Variants in KCNH7 observed in about 807,000 individuals in gnomAD.
KCNH7 encodes potassium voltage-gated channel subfamily H member 7.
Under a neutral mutation model 120.8 loss-of-function variants are expected in KCNH7, and 49 were observed. The observed-to-expected ratio is 0.41, with a 90% CI of 0.32 to 0.51. KCNH7 has a LOEUF of 0.51. Ranked by LOEUF, KCNH7 falls within the 20% of genes least tolerant of loss-of-function variation. The pLI is 0.38. For missense variants in KCNH7, 1,097 were observed against 1,446.6 expected, an observed-to-expected ratio of 0.76 and a Z score of 3.92; for synonymous variants, 547 against 516.1, an observed-to-expected ratio of 1.06 and a Z score of -0.81.
At chr2:162,744,984 G>A (rs1316410930) in intron 2 of KCNH7, among the ~76,000 whole-genome samples, 1 of 152,168 alleles carries the variant, frequency 6.6e-6, no homozygotes, top group East Asian at 1.9e-4. Context: ...CCACATACAA[G>A]TAAACAAACA....
chr2:162,385,884 T>C (rs1008921118), intron 12 of KCNH7, among the ~76,000 whole-genome samples: 8 of 151,898 alleles, frequency 5.3e-5, no homozygotes, highest in African/African-American at 1.9e-4. Flanking sequence ...TTTTAAAAAT[T>C]CCCATATGGC....
intron 8 of KCNH7, among the ~76,000 whole-genome samples, chr2:162,433,870 A>G (rs1688151663): frequency 6.6e-6 from 1 of 152,076 alleles, no homozygotes; most frequent in African/African-American, 2.4e-5. Context: ...CAACAATTCC[A>G]TTACTGGGTA....
chr2:162,394,470 A>C lies in KCNH7; in HGVS notation c.2629T>G (p.Ser877Ala), dbSNP rs777811577. 1.9e-6 allele frequency: 3 copies of C among 1,596,630 alleles called. No individual in the cohort carries two copies. The highest frequency in any genetic ancestry group is 4.5e-5 in the East Asian group (2 of 44,606). ...CCTTCTGAATCATTCATGGATTGTG[A>C]TCGTAGGAGATCAGCCTTTGTTAAT... is the stretch of plus-strand genomic sequence containing the variant. ...HESAKADLLR[S>A]QSMNDSEGDN... Residue 877 changes from serine to alanine, a missense_variant, in exon 12 of 16, where the codon TCA (serine) becomes GCA (alanine). Physicochemically the swap from Ser to Ala is moderately conservative, Grantham distance 99. This residue lies in a region of KCNH7 where 406 missense variants were observed against 410.5 expected (regional missense o/e 0.99). Coordinates refer to ENST00000332142, the MANE Select transcript of KCNH7 (RefSeq NM_033272.4).
intron 2 of KCNH7, among the ~76,000 whole-genome samples, chr2:162,713,725 T>G (rs751638054): frequency 1.3e-5 from 2 of 152,056 alleles, no homozygotes; most frequent in African/African-American, 2.4e-5. Flanking sequence ...TGTAGTATTA[T>G]TGTTGTTGTT....
intron 9 of KCNH7, among the ~76,000 whole-genome samples, chr2:162,410,325 A>G (rs1169348650): frequency 6.6e-6 from 1 of 152,026 alleles, no homozygotes; most frequent in Non-Finnish European, 1.5e-5. Flanking sequence ...CAAACAATGA[A>G]GAAAAGATTC....
At chr2:162,428,679 C>T (rs1000129210) in intron 8 of KCNH7, among the ~76,000 whole-genome samples, 1 of 151,858 alleles carries the variant, frequency 6.6e-6, no homozygotes, top group Non-Finnish European at 1.5e-5. Flanking sequence ...TTTCTCCTTT[C>T]AGTTACATCA....
intron 2 of KCNH7, among the ~76,000 whole-genome samples, chr2:162,736,772 G>C (rs1687926014): frequency 6.6e-6 from 1 of 152,106 alleles, no homozygotes; most frequent in South Asian, 2.1e-4. Flanking sequence ...AAGAGGCAAT[G>C]GAACTTTCTA....
Position 162,385,129 on chromosome 2 carries a change from A to C in KCNH7, c.2711-190T>G, listed in dbSNP as rs564149031. On this transcript the variant is annotated intron_variant, in intron 12 of 15. Coordinates refer to ENST00000332142, the MANE Select transcript of KCNH7 (RefSeq NM_033272.4). The stretch of plus-strand genomic sequence containing the variant: ...CTTAGTAAAGTAAATTATTCATTTC[A>C]AAATTAAAAGAATATTTACAATGGT... Among the ~76,000 whole-genome samples the C allele has an allele frequency of 5.3e-5, 8 of 152,056 alleles. No homozygotes were observed. In the South Asian group the frequency reaches 1.0e-3, roughly 20 times the overall value.
chr2:162,569,410 T>G (rs1238606159), intron 2 of KCNH7, among the ~76,000 whole-genome samples: 1 of 149,764 alleles, frequency 6.7e-6, no homozygotes, highest in Non-Finnish European at 1.5e-5. Flanking sequence ...TCTATTTGAT[T>G]CTTCTCTCTT....
At chr2:162,816,937 C>T (rs1684935342) in intron 2 of KCNH7, among the ~76,000 whole-genome samples, 1 of 151,860 alleles carries the variant, frequency 6.6e-6, no homozygotes, top group Admixed American at 6.6e-5. Flanking sequence ...GCCAATTTTC[C>T]TATATATAAA....
intron 2 of KCNH7, among the ~76,000 whole-genome samples, chr2:162,622,726 G>A (rs753875377): frequency 7.2e-5 from 11 of 152,088 alleles, no homozygotes; most frequent in South Asian, 2.1e-4. Flanking sequence ...GCAACTGGTC[G>A]TAAAACCTGG....
At position 162,421,848 on chromosome 2, in the gene KCNH7, T is replaced by G. The variant is rs2105487203; in HGVS notation, c.2154+1488A>C. ...GGGGGTAAAATAATTGTTTTGCTAC[T>G]GTTTTTGAAATAATCTGGCAGTATG... On this transcript the variant is annotated intron_variant, in intron 9 of 15. Coordinates refer to ENST00000332142, the MANE Select transcript of KCNH7 (RefSeq NM_033272.4). 2.0e-5 allele frequency among the ~76,000 whole-genome samples: 3 copies of G among 152,290 alleles called. No individual in the cohort carries two copies. In the South Asian group the frequency reaches 6.2e-4, roughly 32 times the overall value.
chr2:162,636,998 G>A (rs1361817894), intron 2 of KCNH7, among the ~76,000 whole-genome samples: 1 of 152,058 alleles, frequency 6.6e-6, no homozygotes, highest in African/African-American at 2.4e-5. Flanking sequence ...AATCTTATAG[G>A]AGTCCCCTTA....
chr2:162,659,161 T>G lies in KCNH7; in HGVS notation c.308-122081A>C, dbSNP rs141960122. ...CCTTCTATTGCTAGTTTGGTGAGAGTTTTTATCATGAGCAAGTGATAGATT... is the reference window on the plus strand; with the variant it reads ...CCTTCTATTGCTAGTTTGGTGAGAGGTTTTATCATGAGCAAGTGATAGATT... On this transcript the variant is annotated intron_variant, in intron 2 of 15. Coordinates refer to ENST00000332142, the MANE Select transcript of KCNH7 (RefSeq NM_033272.4). Among the ~76,000 whole-genome samples the G allele has an allele frequency of 4.5e-3, 691 of 152,228 alleles. 9 individuals are homozygous for G. Among genetic ancestry groups the G allele is most frequent in the African/African-American group, 0.016 (658 of 41,540 alleles).
At chr2:162,374,588 A>C (rs1189835355) in intron 14 of KCNH7, among the ~76,000 whole-genome samples, 1 of 152,192 alleles carries the variant, frequency 6.6e-6, no homozygotes, top group Admixed American at 6.5e-5. Flanking sequence ...AAAACAAAAA[A>C]AGGAAAATCA....
intron 6 of KCNH7, among the ~76,000 whole-genome samples, chr2:162,457,912 C>T (rs1689021995): frequency 6.6e-6 from 1 of 152,018 alleles, no homozygotes; most frequent in Non-Finnish European, 1.5e-5. Flanking sequence ...ATCACTGAAA[C>T]CAGCAATCTC....
intron 2 of KCNH7, among the ~76,000 whole-genome samples, chr2:162,643,721 G>A (rs188531485): frequency 2.1e-5 from 3 of 145,562 alleles, no homozygotes; most frequent in African/African-American, 5.2e-5. Flanking sequence ...CAGGTGAATC[G>A]CTTGAACCCA....
chr2:162,518,005 T>C lies in KCNH7; in HGVS notation c.617A>G (p.Glu206Gly). 6.2e-7 allele frequency: 1 copy of C among 1,612,502 alleles called. No individual in the cohort carries two copies. Among genetic ancestry groups the C allele is most frequent in the Non-Finnish European group, 8.5e-7 (1 of 1,178,922 alleles). The change falls in exon 4 of 16, where the codon GAA becomes GGA. Residue 206 changes from glutamate (E) to glycine (G), a missense_variant. Physicochemically the swap from Glu to Gly is moderately conservative, Grantham distance 98 (BLOSUM62 -2). Transcript: ENST00000332142. ...ATCTGCTTCAGAGGGGCTGCAGCTT[T>C]CTTTTGTAGGAGACTTAAAATGCTT... ...AMKHFKSPTK[E>G]SCSPSEADDT...
At chr2:162,628,961 GC>G (rs1192605454) in intron 2 of KCNH7, among the ~76,000 whole-genome samples, 2 of 152,058 alleles carry the variant, frequency 1.3e-5, no homozygotes, top group Non-Finnish European at 2.9e-5. Context: ...TTGGGGCAAG[GC>G]ATAAGGGCAG....
Sources: allele counts gnomAD v4.1 joint callset (sites outside exome capture counted in the v4.1 genomes callset), GRCh38; gene constraint gnomAD v4.1.1; regional missense constraint gnomAD v4.1.1; transcripts MANE v1.5; gene names NCBI Gene and HGNC (gene_info 2026-07-23, HGNC 2026-07-21).